Variants in ZNF808 observed in about 807,000 individuals in gnomAD.
ZNF808 encodes zinc finger protein 808.
A neutral mutation model predicts 8.7 loss-of-function variants in ZNF808; 5 were observed. That is an observed-to-expected ratio of 0.58 (90% confidence interval 0.30 to 1.21). The LOEUF (loss-of-function observed/expected upper bound fraction) is 1.21. ZNF808 is among the 50% of genes most tolerant of loss of function. The pLI is 0.07. For missense variants in ZNF808, 1,103 were observed against 1,098.4 expected, an observed-to-expected ratio of 1.00 and a Z score of -0.06; for synonymous variants, 380 against 366.0, an observed-to-expected ratio of 1.04 and a Z score of -0.44.
downstream of ZNF808, among the ~76,000 whole-genome samples, chr19:52,560,946 C>T (rs1006590124): frequency 2.6e-5 from 4 of 152,006 alleles, no homozygotes; most frequent in African/African-American, 7.2e-5. Context: ...CCCCATGAGC[C>T]CCTCCCCTCC....
intron 2 of ZNF808, among the ~76,000 whole-genome samples, chr19:52,535,065 A>C (rs999974061): frequency 1.3e-4 from 20 of 151,274 alleles, no homozygotes; most frequent in Non-Finnish European, 1.9e-4. Flanking sequence ...GGCGGGGTGG[A>C]TCACATCTGT....
At chr19:52,540,696 G>C (rs757541360) in intron 2 of ZNF808, among the ~76,000 whole-genome samples, 1 of 152,150 alleles carries the variant, frequency 6.6e-6, no homozygotes, top group Non-Finnish European at 1.5e-5. Flanking sequence ...TGAAGGATGG[G>C]CTGGATTGAC....
intron 3 of ZNF808, among the ~76,000 whole-genome samples, chr19:52,544,118 C>G (rs1180266363): frequency 6.6e-6 from 1 of 152,064 alleles, no homozygotes. Context: ...GAAATTGTGC[C>G]ACTGCACTCC....
At position 52,539,691 on chromosome 19, in the gene ZNF808, T is replaced by G. The variant is rs112244403; in HGVS notation, c.-19-3575T>G. 5.1e-3 allele frequency among the ~76,000 whole-genome samples: 771 copies of G among 151,400 alleles called. 5 individuals are homozygous for G. The highest frequency in any genetic ancestry group is 0.017 in the African/African-American group (714 of 41,246). On this transcript the variant is annotated intron_variant, in intron 2 of 4. Transcript: ENST00000359798. Reference sequence around the variant, plus strand: ...GCCTCAGCCTCCTGAGTAGTTATGATTACAGGCACACACCACCATGGCCGG... The same window carrying G: ...GCCTCAGCCTCCTGAGTAGTTATGAGTACAGGCACACACCACCATGGCCGG...
chr19:52,553,564 A>T lies in ZNF808; in HGVS notation c.648A>T (p.Ser216=). 6.2e-7 allele frequency: 1 copy of T among 1,614,184 alleles called. No homozygotes were observed. Among genetic ancestry groups the T allele is most frequent in the Non-Finnish European group, 8.5e-7 (1 of 1,180,038 alleles). Residue 216 remains serine (S), a synonymous_variant, in exon 5 of 5, where the codon TCA becomes TCT. Coordinates refer to ENST00000359798, the MANE Select transcript of ZNF808 (RefSeq NM_001039886.4). The stretch of plus-strand genomic sequence containing the variant: ...ATGGGAATAATCCCCTGAATTCTTC[A>T]TTACTCCCACAAAAACAGGAAGTAC... The part of the protein sequence containing the change: ...NNYGNNPLNS[S]LLPQKQEVHM...
At chr19:52,556,953 A>T (rs929991948), downstream of ZNF808, among the ~76,000 whole-genome samples, 1 of 151,876 alleles carries the variant, frequency 6.6e-6, no homozygotes, top group Non-Finnish European at 1.5e-5. Flanking sequence ...CTCCAAAAGC[A>T]CCCATGTATT....
At chr19:52,564,581 C>G (rs1452158864), downstream of ZNF808, 3 of 162,030 alleles carry the variant, frequency 1.9e-5, no homozygotes, top group Admixed American at 1.9e-4. Context: ...CCAGGAGTTT[C>G]CTGGGAATCT....
chr19:52,537,441 C>T (rs1418167222), intron 2 of ZNF808, among the ~76,000 whole-genome samples: 1 of 152,084 alleles, frequency 6.6e-6, no homozygotes, highest in Non-Finnish European at 1.5e-5. Context: ...AATCCCAGCA[C>T]TTTAGGAGAC....
At chr19:52,543,645 G>T (rs879515923) in intron 3 of ZNF808, among the ~76,000 whole-genome samples, 4 of 152,310 alleles carry the variant, frequency 2.6e-5, no homozygotes, top group Admixed American at 6.5e-5. Flanking sequence ...GTTGATGTCA[G>T]AGCTGCTGGG....
At chr19:52,533,843 CAAAAAAAAAAA>C (rs919374020) in intron 2 of ZNF808, among the ~76,000 whole-genome samples, 7 of 30,774 alleles carry the variant, frequency 2.3e-4, no homozygotes, top group South Asian at 3.1e-3. Context: ...ACTCCGTCTC[CAAAAAAAAAAA>C]AAAAAAAAAA....
At position 52,555,744 on chromosome 19, in the gene ZNF808, G is replaced by T; in HGVS notation, c.*116G>T. ...AAATGTGGCATGTTTTTCAGACATT[G>T]TTCATACATTGCAGTTCATTGGCAA... On this transcript the variant is annotated 3_prime_UTR_variant, in exon 5 of 5. Transcript: ENST00000359798. The T allele has an allele frequency of 6.9e-7, 1 of 1,444,048 alleles. No individual in the cohort carries two copies. The highest frequency in any genetic ancestry group is 2.3e-5 in the East Asian group (1 of 43,470). The allele number at this position is 1,444,048 out of a possible 1,614,324, so 89.5% of individuals were successfully genotyped here.
intron 2 of ZNF808, among the ~76,000 whole-genome samples, chr19:52,535,505 C>T (rs530849010): frequency 3.3e-5 from 5 of 152,154 alleles, no homozygotes; most frequent in Non-Finnish European, 7.4e-5. Context: ...GCTTCCGCCC[C>T]GTGCCCGCAT....
rs772853882 is a variant in ZNF808 at position 52,554,882 on chromosome 19, T to C, written c.1966T>C (p.Cys656Arg). The C allele has an allele frequency of 1.2e-6, 2 of 1,614,136 alleles. No homozygotes were observed. The highest frequency in any genetic ancestry group is 1.1e-5 in the South Asian group (1 of 91,084). Reference sequence around the variant, plus strand: ...AGAAAAAACTTACAAGTGTAATGAGTGTGGGAAGACCTTCAGTTACAAGTC... The same window carrying C: ...AGAAAAAACTTACAAGTGTAATGAGCGTGGGAAGACCTTCAGTTACAAGTC... ...TGEKTYKCNE[C>R]GKTFSYKSSL... The change falls in exon 5 of 5, where the codon TGT becomes CGT. Residue 656 changes from cysteine to arginine, a missense_variant. Cys to Arg is a radical substitution (Grantham distance 180). Transcript: ENST00000359798.
chr19:52,565,520 C>G (rs2059871025), downstream of ZNF808, among the ~76,000 whole-genome samples: 1 of 152,182 alleles, frequency 6.6e-6, no homozygotes, highest in South Asian at 2.1e-4. Flanking sequence ...GAATTTCACC[C>G]TGGCAATGTA....
At chr19:52,528,607 G>A (rs1599940581) in intron 1 of ZNF808, among the ~76,000 whole-genome samples, 2 of 152,222 alleles carry the variant, frequency 1.3e-5, no homozygotes, top group East Asian at 1.9e-4. Context: ...AGGGAGAGTG[G>A]CAGCAAAGAG....
intron 2 of ZNF808, among the ~76,000 whole-genome samples, chr19:52,541,109 G>A (rs573149366): frequency 3.2e-4 from 49 of 151,970 alleles, no homozygotes; most frequent in Non-Finnish European, 1.8e-4. Flanking sequence ...CCGCCACCAC[G>A]CCTGGCTAAT....
intron 3 of ZNF808, among the ~76,000 whole-genome samples, chr19:52,562,559 C>A (rs574714975): frequency 1.2e-4 from 19 of 152,254 alleles, no homozygotes; most frequent in African/African-American, 4.6e-4. Context: ...GAGCCTGCAT[C>A]ATATTTTTTA....
chr19:52,535,813 A>G (rs57798377), intron 2 of ZNF808, among the ~76,000 whole-genome samples: 2 of 151,362 alleles, frequency 1.3e-5, no homozygotes, highest in Non-Finnish European at 2.9e-5. Context: ...GGCCGCTCTC[A>G]CCTCCAAACA....
intron 3 of ZNF808, among the ~76,000 whole-genome samples, chr19:52,562,081 G>A (rs1387373196): frequency 6.6e-6 from 1 of 152,120 alleles, no homozygotes; most frequent in Non-Finnish European, 1.5e-5. Flanking sequence ...AGGCCAAGGT[G>A]GGTAGATCAC....
Sources: gnomAD v4.1 joint callset for allele counts (sites outside exome capture counted in the v4.1 genomes callset) on GRCh38, gnomAD v4.1.1 for gene constraint, MANE v1.5 for transcripts, NCBI Gene and HGNC (gene_info 2026-07-23, HGNC 2026-07-21) for gene names.